PTPN3: variants seen among roughly 807,000 people sequenced by gnomAD.
The protein encoded by PTPN3 is tyrosine-protein phosphatase non-receptor type 3.
Under a neutral mutation model 132.7 loss-of-function variants are expected in PTPN3, and 96 were observed. That is an observed-to-expected ratio of 0.72 (90% CI 0.61 to 0.86). PTPN3 has a LOEUF of 0.86. Among genes scored for constraint, PTPN3 ranks in the 40% least tolerant of loss-of-function variants. The pLI, the probability that PTPN3 is intolerant of heterozygous loss-of-function variation, is 0.00. For synonymous variants in PTPN3, 398 were observed against 429.0 expected (o/e 0.93, Z 0.89); for missense variants, 1,125 against 1,159.6 (o/e 0.97, Z 0.43).
At chr9:109,463,983 G>A (rs1845974836) in intron 1 of PTPN3, among the ~76,000 whole-genome samples, 2 of 152,136 alleles carry the variant, frequency 1.3e-5, no homozygotes, top group Non-Finnish European at 2.9e-5. Flanking sequence ...CCTAGTGAGA[G>A]GAAGTAACAG....
intron 14 of PTPN3, among the ~76,000 whole-genome samples, chr9:109,415,073 T>A (rs201703862): frequency 4.5e-5 from 5 of 111,882 alleles, no homozygotes; most frequent in South Asian, 3.3e-4. Context: ...CGTCCGTCCA[T>A]CCAACCATCC....
chr9:109,435,646 C>G (rs995820508), intron 9 of PTPN3, among the ~76,000 whole-genome samples: 1 of 152,198 alleles, frequency 6.6e-6, no homozygotes. Flanking sequence ...GTCTTTGCCA[C>G]GCAGATATCA....
At chr9:109,395,227 T>C (rs1019818331) in intron 19 of PTPN3, among the ~76,000 whole-genome samples, 6 of 151,986 alleles carry the variant, frequency 3.9e-5, no homozygotes, top group African/African-American at 1.4e-4. Flanking sequence ...TTCTGAATTA[T>C]CTGAATTATG....
chr9:109,506,089 G>C, the PTPN3 span, among the ~76,000 whole-genome samples: 1 of 152,158 alleles, frequency 6.6e-6, no homozygotes, highest in African/African-American at 2.4e-5. Flanking sequence ...CCATAGAAAG[G>C]GGTAGAAGGA....
At chr9:109,428,740 A>G in intron 10 of PTPN3, 56 bp from the exon 11 acceptor site, 1 of 1,571,214 alleles carries the variant, frequency 6.4e-7, no homozygotes, top group African/African-American at 1.3e-5. Flanking sequence ...GCCAGGTTGA[A>G]GCTGATGCCT....
intron 6 of PTPN3, among the ~76,000 whole-genome samples, chr9:109,446,411 C>G (rs1201673425): frequency 3.3e-5 from 5 of 152,194 alleles, no homozygotes; most frequent in African/African-American, 4.8e-5. Context: ...CTTTCCCTAT[C>G]TGAGGGGCCC....
chr9:109,456,239 C>A (rs1490888948), intron 4 of PTPN3, among the ~76,000 whole-genome samples: 1 of 152,238 alleles, frequency 6.6e-6, no homozygotes. Flanking sequence ...GCACTGGCCA[C>A]TTTTTGTGTG....
At chr9:109,483,604 C>G (rs1847066895) in intron 1 of PTPN3, among the ~76,000 whole-genome samples, 1 of 152,152 alleles carries the variant, frequency 6.6e-6, no homozygotes, top group Non-Finnish European at 1.5e-5. Context: ...GAGGATATAA[C>G]TGTGAAGCCA....
At chr9:109,485,139 A>G (rs1847146958) in intron 1 of PTPN3, among the ~76,000 whole-genome samples, 1 of 152,038 alleles carries the variant, frequency 6.6e-6, no homozygotes, top group Non-Finnish European at 1.5e-5. Flanking sequence ...TGAGGTGGGC[A>G]GATCGCTTGA....
At chr9:109,400,437 G>A (rs1331759113) in intron 19 of PTPN3, among the ~76,000 whole-genome samples, 2 of 152,210 alleles carry the variant, frequency 1.3e-5, no homozygotes, top group South Asian at 2.1e-4. Flanking sequence ...GTTAGGGGAC[G>A]TGCCTAAGGC....
At chr9:109,411,577 C>T (rs1039195575) in intron 14 of PTPN3, among the ~76,000 whole-genome samples, 1 of 152,104 alleles carries the variant, frequency 6.6e-6, no homozygotes, top group Non-Finnish European at 1.5e-5. Context: ...TCTGCCCCAC[C>T]CTAACCTCAT....
chr9:109,386,365 C>T (rs1043146269), intron 22 of PTPN3, among the ~76,000 whole-genome samples: 6 of 152,190 alleles, frequency 3.9e-5, no homozygotes, highest in Non-Finnish European at 8.8e-5. Flanking sequence ...ATTTAGAAGG[C>T]TTCATGGTGA....
At position 109,391,145 on chromosome 9, in the gene PTPN3, T is replaced by G; in HGVS notation, c.2099A>C (p.Tyr700Ser). 1 of 1,613,238 alleles carries G rather than the reference T, an allele frequency of 6.2e-7. No individual in the cohort carries two copies. Among genetic ancestry groups the G allele is most frequent in the Non-Finnish European group, 8.5e-7 (1 of 1,179,342 alleles). The change falls in exon 21 of 26, where the codon TAC becomes TCC. Residue 700 changes from tyrosine (Y) to serine (S), a missense_variant. Coordinates refer to ENST00000374541, the MANE Select transcript of PTPN3 (RefSeq NM_002829.4). ...QGNEDYINASYVNMEIPAANL... is the reference protein window; with the variant it reads ...QGNEDYINASSVNMEIPAANL... Reference sequence around the variant, plus strand: ...TCCAGATTCCTAACTTACGTTCACGTAACTTGCATTAATATAATCTTCATT... The same window carrying G: ...TCCAGATTCCTAACTTACGTTCACGGAACTTGCATTAATATAATCTTCATT...
At chr9:109,408,464 A>G (rs997183340) in intron 16 of PTPN3, 87 bp from the exon 17 acceptor site, 13 of 977,774 alleles carry the variant, frequency 1.3e-5, no homozygotes, top group South Asian at 4.8e-5. Flanking sequence ...CACAGCATCA[A>G]CAACATGGAG....
rs35463120 is a variant in PTPN3 at position 109,408,421 on chromosome 9, TAAAC to T, written c.1579-48_1579-45del. ...AAAAACAAAACAAAGTTTTTTAAGTTAAACAAACAAACAAACAAAAAAACGAGTA... is the reference window on the plus strand; with the variant it reads ...AAAAACAAAACAAAGTTTTTTAAGTTAAACAAACAAACAAAAAAACGAGTA... On this transcript the variant is annotated intron_variant, in intron 16 of 25. Transcript: ENST00000374541. 148 of 1,191,790 alleles carry T rather than the reference TAAAC, an allele frequency of 1.2e-4. 1 individual carries two copies. Among genetic ancestry groups the T allele is most frequent in the East Asian group, 4.7e-4 (19 of 40,464 alleles). 73.8% of individuals were successfully genotyped at this position (1,191,790 alleles called of 1,614,324 possible). A position where few individuals can be genotyped will look rare whatever the true frequency, so the allele number is the denominator to read the frequency against.
At chr9:109,405,065 G>C (rs534570902) in intron 18 of PTPN3, among the ~76,000 whole-genome samples, 1 of 152,158 alleles carries the variant, frequency 6.6e-6, no homozygotes, top group Admixed American at 6.5e-5. Context: ...TCATTCCTGA[G>C]AGCTCAATCC....
chr9:109,524,159 A>G, the PTPN3 span, among the ~76,000 whole-genome samples: 2 of 152,108 alleles, frequency 1.3e-5, no homozygotes, highest in African/African-American at 4.8e-5. Flanking sequence ...TGGGAGGATC[A>G]CTTGAGCCCA....
At position 109,463,424 on chromosome 9, in the gene PTPN3, C is replaced by T. The variant is rs765688707; in HGVS notation, c.11G>A (p.Arg4Gln). 2.5e-5 allele frequency: 41 copies of T among 1,608,300 alleles called. No individual in the cohort carries two copies. The highest frequency in any genetic ancestry group is 1.9e-4 in the South Asian group (17 of 89,254). ...AATTCTTCCACCCAACGCACGTAAC[C>T]GGGAGGTCATAACTATCGCTGAATA... MTSRLRALGGRINN... is the reference protein window; with the variant it reads MTSQLRALGGRINN... The change falls in exon 2 of 26, where the codon CGG becomes CAG. Residue 4 changes from arginine (R) to glutamine (Q), a missense_variant. Arg to Gln is a conservative substitution (Grantham distance 43). Transcript: ENST00000374541.
At chr9:109,380,655 C>A (rs2131579665) in intron 25 of PTPN3, among the ~76,000 whole-genome samples, 1 of 152,304 alleles carries the variant, frequency 6.6e-6, no homozygotes, top group Non-Finnish European at 1.5e-5. Flanking sequence ...GCCCTAATAA[C>A]ATAAGCTGAT....
Sources: allele counts gnomAD v4.1 joint callset (sites outside exome capture counted in the v4.1 genomes callset), GRCh38; gene constraint gnomAD v4.1.1; transcripts MANE v1.5; gene names NCBI Gene and HGNC (gene_info 2026-07-23, HGNC 2026-07-21).